The following SORCS2 variants were observed in gnomAD, a reference collection of about 807,000 sequenced individuals.
SORCS2 encodes the protein VPS10 domain-containing receptor SorCS2.
A neutral mutation model predicts 141.6 loss-of-function variants in SORCS2; 100 were observed. That is an observed-to-expected ratio of 0.71 (90% CI 0.60 to 0.83). The LOEUF (loss-of-function observed/expected upper bound fraction) is 0.83, where lower values mean the gene tolerates loss of function less well. SORCS2 is among the 40% of genes least tolerant of loss of function. SORCS2 has a pLI of 0.00. For synonymous variants in SORCS2, 789 were observed against 676.9 expected (o/e 1.17, Z -2.57); for missense variants, 1,646 against 1,560.2 (o/e 1.05, Z -0.93).
intron 3 of SORCS2, among the ~76,000 whole-genome samples, chr4:7,603,030 G>C (rs1164122643): frequency 1.3e-5 from 2 of 152,202 alleles, no homozygotes; most frequent in Non-Finnish European, 1.5e-5. Flanking sequence ...GTGGTGGTGT[G>C]CGCCTGCAAT....
chr4:7,539,704 C>CCCGTTATGGAGGCCCCGCCCT (rs1712424646), intron 3 of SORCS2, among the ~76,000 whole-genome samples: 1 of 78,858 alleles, frequency 1.3e-5, no homozygotes, highest in Non-Finnish European at 3.5e-5. Flanking sequence ...GGCCCCGCCC[C>CCCGTTATGGAGGCCCCGCCCT]TTCCTGCTGT....
intron 1 of SORCS2, among the ~76,000 whole-genome samples, chr4:7,302,766 C>CGTGTGTGTGTGTGT (rs766083519): frequency 6.7e-4 from 35 of 52,004 alleles, no homozygotes; most frequent in South Asian, 2.4e-3. Context: ...AGACAGTCCA[C>CGTGTGTGTGTGTGT]ATATGTGTGT....
chr4:7,517,303 C>G (rs1733051137), intron 2 of SORCS2, among the ~76,000 whole-genome samples: 1 of 152,190 alleles, frequency 6.6e-6, no homozygotes, highest in Non-Finnish European at 1.5e-5. Flanking sequence ...TCGAAGCATC[C>G]TCTAAGCTTT....
intron 1 of SORCS2, among the ~76,000 whole-genome samples, chr4:7,226,266 T>A (rs1343737369): frequency 6.6e-6 from 1 of 152,096 alleles, no homozygotes; most frequent in East Asian, 1.9e-4. Context: ...GGACTGAGGC[T>A]TGGAGAGGTA....
chr4:7,712,896 C>G lies in SORCS2; in HGVS notation c.1989+43C>G, dbSNP rs780800367. ...TGGGATCGGGCAGGTGGGGTACAGACTGCAAACACAGGCCCACTCTGCCTG... is the reference window on the plus strand; with the variant it reads ...TGGGATCGGGCAGGTGGGGTACAGAGTGCAAACACAGGCCCACTCTGCCTG... On this transcript the variant is annotated intron_variant, in intron 15 of 26. Transcript: ENST00000507866. The G allele has an allele frequency of 1.8e-5, 29 of 1,606,350 alleles. No individual in the cohort carries two copies. In the East Asian group the frequency reaches 6.3e-4, roughly 35 times the overall value.
intron 14 of SORCS2, among the ~76,000 whole-genome samples, chr4:7,704,814 G>A (rs1239075750): frequency 1.3e-5 from 2 of 152,240 alleles, no homozygotes; most frequent in East Asian, 1.9e-4. Flanking sequence ...CGCAATGGGA[G>A]ACAGCCGTGC....
intron 1 of SORCS2, among the ~76,000 whole-genome samples, chr4:7,296,794 A>AC (rs576666454): frequency 1.9e-4 from 29 of 151,710 alleles, no homozygotes; most frequent in Non-Finnish European, 3.8e-4. Flanking sequence ...CGGAGAGGTG[A>AC]CCCCCCAACA....
intron 1 of SORCS2, among the ~76,000 whole-genome samples, chr4:7,253,643 A>C (rs1713654213): frequency 6.6e-6 from 1 of 152,178 alleles, no homozygotes; most frequent in Admixed American, 6.5e-5. Context: ...CCACAGGGTC[A>C]CTGGGGAGGA....
intron 2 of SORCS2, among the ~76,000 whole-genome samples, chr4:7,478,266 G>A (rs1274968190): frequency 6.6e-6 from 1 of 152,160 alleles, no homozygotes; most frequent in African/African-American, 2.4e-5. Flanking sequence ...CTGCGAAGGA[G>A]GCTCGCTTCC....
intron 1 of SORCS2, among the ~76,000 whole-genome samples, chr4:7,338,387 G>T (rs2108983439): frequency 6.7e-6 from 1 of 149,482 alleles, no homozygotes; most frequent in African/African-American, 2.5e-5. Flanking sequence ...GATGTCGGTT[G>T]GATGGATGGA....
chr4:7,355,107 A>G (rs1245718811), intron 1 of SORCS2, among the ~76,000 whole-genome samples: 1 of 152,134 alleles, frequency 6.6e-6, no homozygotes, highest in Non-Finnish European at 1.5e-5. Context: ...ATTTGTTTGC[A>G]TAATTCTGGA....
intron 1 of SORCS2, among the ~76,000 whole-genome samples, chr4:7,326,179 G>A (rs1719247003): frequency 6.6e-6 from 1 of 152,094 alleles, no homozygotes; most frequent in Admixed American, 6.5e-5. Flanking sequence ...TAGTGGGGAT[G>A]GGAGGCTCCA....
intron 1 of SORCS2, among the ~76,000 whole-genome samples, chr4:7,289,301 G>C (rs1480292763): frequency 1.3e-5 from 2 of 151,818 alleles, no homozygotes; most frequent in Non-Finnish European, 2.9e-5. Context: ...TGGGAATCAG[G>C]CTGGGGTTTC....
intron 3 of SORCS2, among the ~76,000 whole-genome samples, chr4:7,556,582 G>A (rs1342838965): frequency 6.6e-6 from 1 of 152,130 alleles, no homozygotes; most frequent in Non-Finnish European, 1.5e-5. Context: ...CTTTTCATAA[G>A]AGTATATGTA....
intron 2 of SORCS2, among the ~76,000 whole-genome samples, chr4:7,408,585 G>A (rs1560260802): frequency 6.6e-6 from 1 of 152,054 alleles, no homozygotes; most frequent in Non-Finnish European, 1.5e-5. Flanking sequence ...GGGTAGTCTT[G>A]TTTGGGTTGA....
At chr4:7,415,278 C>A (rs1472729862) in intron 2 of SORCS2, among the ~76,000 whole-genome samples, 1 of 152,226 alleles carries the variant, frequency 6.6e-6, no homozygotes, top group Non-Finnish European at 1.5e-5. Flanking sequence ...TCCTACTGGG[C>A]TCCAGTCAAG....
chr4:7,220,181 C>A (rs1408549437), intron 1 of SORCS2, among the ~76,000 whole-genome samples: 1 of 152,118 alleles, frequency 6.6e-6, no homozygotes, highest in Non-Finnish European at 1.5e-5. Context: ...TGCGAGGCGG[C>A]CCTGCACTGA....
At chr4:7,397,443 G>T (rs1418948976) in intron 2 of SORCS2, among the ~76,000 whole-genome samples, 1 of 151,954 alleles carries the variant, frequency 6.6e-6, no homozygotes, top group Non-Finnish European at 1.5e-5. Context: ...CAGCAAAAAC[G>T]CTTTTCCTAG....
At chr4:7,637,830 C>G (rs1269760525) in intron 3 of SORCS2, among the ~76,000 whole-genome samples, 1 of 149,360 alleles carries the variant, frequency 6.7e-6, no homozygotes, top group East Asian at 2.0e-4. Flanking sequence ...AGAAGCCTGA[C>G]CCAGGCACTC....
Sources: gnomAD v4.1 joint callset for allele counts (sites outside exome capture counted in the v4.1 genomes callset) on GRCh38, gnomAD v4.1.1 for gene constraint, MANE v1.5 for transcripts, NCBI Gene and HGNC (gene_info 2026-07-23, HGNC 2026-07-21) for gene names.